PCGF5: variants seen among roughly 807,000 people sequenced by gnomAD.
The protein encoded by PCGF5 is polycomb group RING finger protein 5.
Under a neutral mutation model 44.3 loss-of-function variants are expected in PCGF5, and 9 were observed. That is an observed-to-expected ratio of 0.20 (90% CI 0.12 to 0.35). PCGF5 has a LOEUF of 0.35. PCGF5 is among the 10% of genes least tolerant of loss of function. PCGF5 has a pLI of 1.00. For missense variants in PCGF5, 146 were observed against 305.3 expected (o/e 0.48, Z 3.89); for synonymous variants, 95 against 102.5 (o/e 0.93, Z 0.44).
At chr10:91,276,971 G>A (rs1191239366) in intron 9 of PCGF5, among the ~76,000 whole-genome samples, 1 of 152,082 alleles carries the variant, frequency 6.6e-6, no homozygotes, top group East Asian at 1.9e-4. Flanking sequence ...TGATTCAGGG[G>A]GAACTAAATA....
intron 1 of PCGF5, among the ~76,000 whole-genome samples, chr10:91,207,557 T>C (rs1221519970): frequency 1.3e-5 from 2 of 152,222 alleles, no homozygotes; most frequent in Non-Finnish European, 2.9e-5. Context: ...TCAGGAAATA[T>C]GGCATTGTTA....
At chr10:91,188,340 G>A (rs1843964703) in intron 1 of PCGF5, among the ~76,000 whole-genome samples, 1 of 152,214 alleles carries the variant, frequency 6.6e-6, no homozygotes, top group South Asian at 2.1e-4. Context: ...TGGAAAAGCA[G>A]ATGGATGATT....
At chr10:91,170,808 A>G (rs1483905306) in intron 1 of PCGF5, among the ~76,000 whole-genome samples, 5 of 152,242 alleles carry the variant, frequency 3.3e-5, no homozygotes, top group African/African-American at 9.6e-5. Context: ...AAACCTGCAC[A>G]CTGATGTTTA....
chr10:91,265,398 A>C (rs1006052115), intron 8 of PCGF5, among the ~76,000 whole-genome samples: 2 of 152,146 alleles, frequency 1.3e-5, no homozygotes, highest in East Asian at 3.8e-4. Flanking sequence ...GATTGGCTAT[A>C]AGGTTGGAGT....
intron 3 of PCGF5, among the ~76,000 whole-genome samples, chr10:91,242,684 T>A (rs554828491): frequency 6.6e-6 from 1 of 152,338 alleles, no homozygotes; most frequent in South Asian, 2.1e-4. Flanking sequence ...TCACCCAGAT[T>A]AGCTTCTTAG....
chr10:91,253,664 C>G (rs2079144136), intron 6 of PCGF5, among the ~76,000 whole-genome samples: 1 of 152,006 alleles, frequency 6.6e-6, no homozygotes, highest in Admixed American at 6.6e-5. Flanking sequence ...CAAAATTCCC[C>G]CAGTTTAGTG....
intron 8 of PCGF5, among the ~76,000 whole-genome samples, chr10:91,266,477 G>C (rs1038019126): frequency 6.6e-6 from 1 of 152,106 alleles, no homozygotes; most frequent in Admixed American, 6.5e-5. Flanking sequence ...TTTTTTGGTT[G>C]TTTAAGGCAT....
chr10:91,272,531 G>C (rs1278812768), intron 9 of PCGF5, among the ~76,000 whole-genome samples: 1 of 152,070 alleles, frequency 6.6e-6, no homozygotes, highest in Non-Finnish European at 1.5e-5. Context: ...TCAGCATTTT[G>C]GGAGACTGAG....
upstream of PCGF5, among the ~76,000 whole-genome samples, chr10:91,161,962 C>T (rs965790937): frequency 1.3e-5 from 2 of 151,838 alleles, no homozygotes; most frequent in African/African-American, 4.8e-5. Flanking sequence ...ATGATGCCAG[C>T]CACAAGGGGG....
chr10:91,249,267 C>T (rs1349195224), intron 5 of PCGF5, among the ~76,000 whole-genome samples: 2 of 151,190 alleles, frequency 1.3e-5, no homozygotes, highest in Admixed American at 1.3e-4. Flanking sequence ...TTCTCCATCA[C>T]CCAGATTTCT....
At chr10:91,224,509 A>G (rs926313942) in intron 2 of PCGF5, among the ~76,000 whole-genome samples, 4 of 152,204 alleles carry the variant, frequency 2.6e-5, no homozygotes, top group Non-Finnish European at 5.9e-5. Context: ...TAAAAATGCC[A>G]TATTAGTGAT....
chr10:91,263,386 G>A (rs538259218), intron 7 of PCGF5, among the ~76,000 whole-genome samples: 13 of 152,154 alleles, frequency 8.5e-5, no homozygotes, highest in African/African-American at 2.4e-4. Flanking sequence ...TTTGAGGTCC[G>A]TATAAGTCAT....
At chr10:91,164,147 C>T (rs1330030232) in intron 1 of PCGF5, among the ~76,000 whole-genome samples, 1 of 152,204 alleles carries the variant, frequency 6.6e-6, no homozygotes, top group Non-Finnish European at 1.5e-5. Context: ...GTACCTCTGA[C>T]CCAGGGAGAG....
intron 6 of PCGF5, among the ~76,000 whole-genome samples, chr10:91,257,237 A>G (rs1845778248): frequency 6.6e-6 from 1 of 152,132 alleles, no homozygotes; most frequent in African/African-American, 2.4e-5. Context: ...GGGGCTCTGC[A>G]AATCAAAACC....
chr10:91,278,327 C>T lies in PCGF5; in HGVS notation c.*11C>T. On this transcript the variant is annotated 3_prime_UTR_variant, in exon 10 of 10. Transcript: ENST00000336126. ...ATTGATTTCGGTTAGACCAAGGGGC[C>T]CAGACCTCACTGAGATGAATCCTGC... The T allele has an allele frequency of 6.2e-7, 1 of 1,605,720 alleles. No homozygotes were observed.
At chr10:91,263,925 A>G (rs1242484749) in intron 7 of PCGF5, among the ~76,000 whole-genome samples, 1 of 152,182 alleles carries the variant, frequency 6.6e-6, no homozygotes, top group Non-Finnish European at 1.5e-5. Context: ...TTAAGGCCCC[A>G]TAAATCACTG....
chr10:91,165,010 G>A (rs1843474858), intron 1 of PCGF5, among the ~76,000 whole-genome samples: 1 of 152,190 alleles, frequency 6.6e-6, no homozygotes, highest in Non-Finnish European at 1.5e-5. Flanking sequence ...GAAACACTTA[G>A]TATTTGTTGA....
In PCGF5 at chr10:91,257,212, A is replaced by T. The variant is rs1203891083; in HGVS notation, c.475-4114A>T. On this transcript the variant is annotated intron_variant, in intron 6 of 9. Transcript: ENST00000336126. ...CAATAAGCACAGGAAAAGTTGCTAA[A>T]TATCACTAGTCACTGGGGCTCTGCA... is the stretch of plus-strand genomic sequence containing the variant. Among the ~76,000 whole-genome samples the T allele has an allele frequency of 2.0e-5, 3 of 152,252 alleles. No homozygotes were observed. In the East Asian group the frequency reaches 5.8e-4, roughly 29 times the overall value.
chr10:91,224,088 A>G (rs1439625993), intron 2 of PCGF5, among the ~76,000 whole-genome samples: 1 of 152,180 alleles, frequency 6.6e-6, no homozygotes, highest in Non-Finnish European at 1.5e-5. Flanking sequence ...TTTATGTTAC[A>G]TTTATGTTAC....
Sources: gnomAD v4.1 joint callset for allele counts (sites outside exome capture counted in the v4.1 genomes callset) on GRCh38, gnomAD v4.1.1 for gene constraint, MANE v1.5 for transcripts, NCBI Gene and HGNC (gene_info 2026-07-23, HGNC 2026-07-21) for gene names.